The following STK32B variants were observed in gnomAD, a reference collection of about 807,000 sequenced individuals.
STK32B encodes the protein serine/threonine-protein kinase 32B.
In STK32B, 43 loss-of-function variants were observed where a neutral mutation model predicts 52.6. That is an observed-to-expected ratio of 0.82 (90% CI 0.64 to 1.05). The LOEUF (loss-of-function observed/expected upper bound fraction) is 1.05. Ranked by LOEUF, STK32B falls within the 50% of genes least tolerant of loss-of-function variation. STK32B has a pLI of 0.00. For missense variants in STK32B, 621 were observed against 534.6 expected (o/e 1.16, Z -1.59); for synonymous variants, 238 against 204.3 (o/e 1.17, Z -1.41).
chr4:5,183,334 G>A (rs967312773), intron 3 of STK32B, among the ~76,000 whole-genome samples: 2 of 152,042 alleles, frequency 1.3e-5, no homozygotes, highest in Admixed American at 1.3e-4. Flanking sequence ...AAAATTAGCT[G>A]GGCGTGGTCG....
chr4:5,408,352 C>A (rs1016767825), intron 5 of STK32B, among the ~76,000 whole-genome samples: 8 of 151,958 alleles, frequency 5.3e-5, no homozygotes, highest in Non-Finnish European at 1.5e-5. Flanking sequence ...TGTTTAAATG[C>A]AGGTAGCACC....
intron 6 of STK32B, among the ~76,000 whole-genome samples, chr4:5,444,007 TGTCA>T (rs1715080917): frequency 6.6e-6 from 1 of 152,204 alleles, no homozygotes; most frequent in South Asian, 2.1e-4. Flanking sequence ...TCTTCAAAGC[TGTCA>T]GACAGGGACA....
chr4:5,345,988 A>T (rs535960529), intron 4 of STK32B, among the ~76,000 whole-genome samples: 1 of 152,132 alleles, frequency 6.6e-6, no homozygotes, highest in Admixed American at 6.6e-5. Flanking sequence ...AACTGATGGG[A>T]ATATCATTTG....
intron 3 of STK32B, among the ~76,000 whole-genome samples, chr4:5,252,190 T>G (rs1038023430): frequency 1.3e-5 from 2 of 152,172 alleles, no homozygotes; most frequent in Admixed American, 1.3e-4. Flanking sequence ...GAGTCACTAC[T>G]TTTTATCCCC....
chr4:5,080,892 C>T (rs1445354688), intron 1 of STK32B, among the ~76,000 whole-genome samples: 1 of 152,114 alleles, frequency 6.6e-6, no homozygotes, highest in African/African-American at 2.4e-5. Context: ...ACCATTAGGT[C>T]TCCAGAACGA....
intron 3 of STK32B, among the ~76,000 whole-genome samples, chr4:5,219,940 C>T (rs1723419601): frequency 6.6e-6 from 1 of 152,128 alleles, no homozygotes; most frequent in Admixed American, 6.5e-5. Context: ...AATGTGTCTG[C>T]AGGATAATTC....
chr4:5,239,906 T>G (rs1015011165), intron 3 of STK32B, among the ~76,000 whole-genome samples: 1 of 152,142 alleles, frequency 6.6e-6, no homozygotes, highest in Non-Finnish European at 1.5e-5. Context: ...GCACCTTATC[T>G]CTGCCATTCC....
At chr4:5,068,995 G>T (rs752021469) in intron 1 of STK32B, among the ~76,000 whole-genome samples, 12 of 152,118 alleles carry the variant, frequency 7.9e-5, no homozygotes, top group Non-Finnish European at 1.5e-4. Flanking sequence ...GGTCACCAAT[G>T]ATATTGTTAA....
chr4:5,494,674 T>C (rs1720061180), intron 11 of STK32B, among the ~76,000 whole-genome samples: 1 of 152,220 alleles, frequency 6.6e-6, no homozygotes, highest in South Asian at 2.1e-4. Context: ...CTAGCCTCGA[T>C]GGTCTTTACA....
intron 3 of STK32B, among the ~76,000 whole-genome samples, chr4:5,242,968 T>C (rs1725150431): frequency 1.3e-5 from 2 of 152,232 alleles, no homozygotes; most frequent in South Asian, 4.1e-4. Flanking sequence ...GCATTCTGTC[T>C]TGGTTACTGT....
At chr4:5,316,152 A>AATATATATAACTAAAT (rs1213183750) in intron 3 of STK32B, among the ~76,000 whole-genome samples, 3 of 90,630 alleles carry the variant, frequency 3.3e-5, no homozygotes, top group South Asian at 3.1e-4. Context: ...TATATAACTA[A>AATATATATAACTAAAT]ATATATATAA....
At chr4:5,255,286 A>C (rs1726219476) in intron 3 of STK32B, among the ~76,000 whole-genome samples, 1 of 152,198 alleles carries the variant, frequency 6.6e-6, no homozygotes, top group South Asian at 2.1e-4. Context: ...TTGTCATTGT[A>C]TGTAGAAAAT....
chr4:5,155,163 T>C (rs905766315), intron 2 of STK32B, among the ~76,000 whole-genome samples: 4 of 152,194 alleles, frequency 2.6e-5, no homozygotes, highest in African/African-American at 7.2e-5. Flanking sequence ...GGCTCACTTA[T>C]AGCATACAGG....
chr4:5,153,816 A>C (rs1303973808), intron 2 of STK32B, among the ~76,000 whole-genome samples: 1 of 152,198 alleles, frequency 6.6e-6, no homozygotes, highest in African/African-American at 2.4e-5. Context: ...TACTAGAATG[A>C]AAATATGAGT....
intron 3 of STK32B, among the ~76,000 whole-genome samples, chr4:5,287,072 A>T (rs1346016428): frequency 6.6e-6 from 1 of 152,128 alleles, no homozygotes; most frequent in Non-Finnish European, 1.5e-5. Context: ...CTGGGATTAC[A>T]GGCATGAGCC....
upstream of STK32B, among the ~76,000 whole-genome samples, chr4:5,049,445 G>A (rs1165648505): frequency 2.0e-5 from 3 of 152,132 alleles, no homozygotes; most frequent in African/African-American, 4.8e-5. Flanking sequence ...GGCTGAGTCC[G>A]AAAAGAGAGT....
intron 3 of STK32B, among the ~76,000 whole-genome samples, chr4:5,181,511 C>T (rs1314284287): frequency 6.6e-6 from 1 of 152,144 alleles, no homozygotes; most frequent in African/African-American, 2.4e-5. Context: ...CCTAAGGTGA[C>T]TAATAAAGGT....
intron 11 of STK32B, among the ~76,000 whole-genome samples, chr4:5,495,611 G>A (rs1274774932): frequency 2.0e-5 from 3 of 152,176 alleles, no homozygotes; most frequent in East Asian, 3.9e-4. Context: ...TTGTTCCGTT[G>A]CTGGTGAGGA....
In STK32B at chr4:5,499,928, AGCTTTCAGG is replaced by A. The variant is rs1037209822; in HGVS notation, c.*847_*855del. 74 of 152,410 alleles carry A rather than the reference AGCTTTCAGG, an allele frequency of 4.9e-4. No homozygotes were observed. The highest frequency in any genetic ancestry group is 1.7e-3 in the African/African-American group (72 of 41,572). 9.4% of individuals were successfully genotyped at this position (152,410 alleles called of 1,614,324 possible). A position where few individuals can be genotyped will look rare whatever the true frequency, so the allele number is the denominator to read the frequency against. On this transcript the variant is annotated 3_prime_UTR_variant, in exon 12 of 12. Coordinates refer to ENST00000282908, the MANE Select transcript of STK32B (RefSeq NM_018401.3). ...CAGCAGAACTCTCCAACTCTCTATC[AGCTTTCAGG>A]GTTTTCTCTCCTGGGAAGGGTGTAA...
Sources: allele counts gnomAD v4.1 joint callset (sites outside exome capture counted in the v4.1 genomes callset), GRCh38; gene constraint gnomAD v4.1.1; transcripts MANE v1.5; gene names NCBI Gene and HGNC (gene_info 2026-07-23, HGNC 2026-07-21).